Variants in INPP4A observed in about 807,000 individuals in gnomAD.
INPP4A encodes inositol polyphosphate-4-phosphatase type I A.
INPP4A carries 33 observed loss-of-function variants against 119.8 expected under a neutral mutation model. The ratio of observed to expected loss-of-function variants is 0.28; its 90% CI spans 0.21 to 0.37. INPP4A has a LOEUF of 0.37. INPP4A is among the 10% of genes least tolerant of loss of function. INPP4A has a pLI of 1.00. For missense variants in INPP4A, 956 were observed against 1,289.9 expected, an observed-to-expected ratio of 0.74 and a Z score of 3.97; for synonymous variants, 496 against 500.7, an observed-to-expected ratio of 0.99 and a Z score of 0.12.
chr2:98,453,492 CTG>C (rs1289472158), intron 1 of INPP4A, among the ~76,000 whole-genome samples: 1 of 152,100 alleles, frequency 6.6e-6, no homozygotes, highest in Non-Finnish European at 1.5e-5. Context: ...TATGGTGTGA[CTG>C]TTTCTTAGAG....
intron 10 of INPP4A, among the ~76,000 whole-genome samples, chr2:98,543,034 C>A (rs981787983): frequency 9.2e-5 from 14 of 152,116 alleles, no homozygotes; most frequent in Non-Finnish European, 1.8e-4. Context: ...ATTCTCCTGC[C>A]TCAGCCTTCC....
intron 1 of INPP4A, among the ~76,000 whole-genome samples, chr2:98,498,120 G>T (rs1011703988): frequency 6.6e-6 from 1 of 152,130 alleles, no homozygotes; most frequent in Admixed American, 6.5e-5. Flanking sequence ...GAGGACATGA[G>T]ATTTGATAGG....
intron 1 of INPP4A, among the ~76,000 whole-genome samples, chr2:98,511,071 T>C (rs972011960): frequency 5.3e-5 from 8 of 152,234 alleles, no homozygotes; most frequent in Admixed American, 3.9e-4. Context: ...TCAATTTTTT[T>C]TTTTTTGAGA....
intron 1 of INPP4A, among the ~76,000 whole-genome samples, chr2:98,491,207 T>C (rs1298209674): frequency 6.6e-6 from 1 of 152,206 alleles, no homozygotes; most frequent in East Asian, 1.9e-4. Flanking sequence ...GGTAGTAACA[T>C]AGTCAGATGG....
At chr2:98,465,947 C>T (rs1008964478) in intron 1 of INPP4A, among the ~76,000 whole-genome samples, 1 of 152,122 alleles carries the variant, frequency 6.6e-6, no homozygotes, top group African/African-American at 2.4e-5. Context: ...GCCCACCTTG[C>T]TCAGTCTCTG....
chr2:98,574,309 G>A (rs981096535), intron 23 of INPP4A, among the ~76,000 whole-genome samples: 4 of 152,060 alleles, frequency 2.6e-5, no homozygotes, highest in Non-Finnish European at 5.9e-5. Flanking sequence ...AAGAGATTTT[G>A]TGTGAAAAGC....
In INPP4A at chr2:98,553,075, T is replaced by C. The variant is rs548954336; in HGVS notation, c.1347+106T>C. The C allele has an allele frequency of 4.1e-5, 36 of 874,226 alleles. 1 individual carries two copies. Among genetic ancestry groups the C allele is most frequent in the South Asian group, 3.2e-4 (18 of 56,756 alleles). The allele number at this position is 874,226 out of a possible 1,614,324, so 54.2% of individuals were successfully genotyped here. A position where few individuals can be genotyped will look rare whatever the true frequency, so the allele number is the denominator to read the frequency against. On this transcript the variant is annotated intron_variant, in intron 14 of 24. Transcript: ENST00000409851. ...AAGATGGTCCACAAAGAGCGTGACA[T>C]TGGGATGACTTTGAAGGTCTACCTT...
intron 24 of INPP4A, among the ~76,000 whole-genome samples, chr2:98,579,235 G>C (rs532389738): frequency 6.6e-6 from 1 of 152,208 alleles, no homozygotes; most frequent in East Asian, 1.9e-4. Context: ...ATTTTTAGTA[G>C]AAACGGGGTT....
rs372764114 is a variant in INPP4A at position 98,581,271 on chromosome 2, C to G, written c.2786+4128C>G. 1.7e-4 allele frequency among the ~76,000 whole-genome samples: 26 copies of G among 152,312 alleles called. No individual in the cohort carries two copies. The East Asian group carries it at 2.9e-3, about 17-fold the overall frequency. On this transcript the variant is annotated intron_variant, in intron 24 of 24. Transcript: ENST00000409851. Reference sequence around the variant, plus strand: ...GAGAGAGTGAACATGGAAAACCATTCGTTCAACCTACATGTGTTTATTTTC... The same window carrying G: ...GAGAGAGTGAACATGGAAAACCATTGGTTCAACCTACATGTGTTTATTTTC...
At chr2:98,490,524 A>T (rs1035305656) in intron 1 of INPP4A, among the ~76,000 whole-genome samples, 7 of 152,050 alleles carry the variant, frequency 4.6e-5, no homozygotes, top group Non-Finnish European at 8.8e-5. Flanking sequence ...TTATATATGG[A>T]GATGGAACCC....
intron 10 of INPP4A, among the ~76,000 whole-genome samples, chr2:98,542,842 T>C (rs1691731546): frequency 6.6e-6 from 1 of 152,000 alleles, no homozygotes; most frequent in Non-Finnish European, 1.5e-5. Flanking sequence ...CCTGTGCCTC[T>C]GTCAAGCACA....
At chr2:98,563,434 C>T (rs1559082259) in intron 17 of INPP4A, 31 bp from the exon 18 acceptor site, 2 of 1,594,764 alleles carry the variant, frequency 1.3e-6, no homozygotes, top group South Asian at 1.1e-5. Flanking sequence ...ATCTCTCTCT[C>T]ATTGTGATGA....
At chr2:98,499,031 A>G (rs141942934) in intron 1 of INPP4A, among the ~76,000 whole-genome samples, 177 of 152,330 alleles carry the variant, frequency 1.2e-3, no homozygotes, top group African/African-American at 4.0e-3. Context: ...TGGAATCTCA[A>G]TGCTCTTTTT....
Position 98,588,862 on chromosome 2 carries a change from T to C in INPP4A, c.*1254T>C. On this transcript the variant is annotated 3_prime_UTR_variant, in exon 25 of 25. Transcript: ENST00000409851. ...GAAAAGGTTGTAAAAGAAATACATA[T>C]GGCACATATTAATGATGCTGATCCT... 1 of 212,992 alleles carries C rather than the reference T, an allele frequency of 4.7e-6. No individual in the cohort carries two copies. Among genetic ancestry groups the C allele is most frequent in the Non-Finnish European group, 9.5e-6 (1 of 105,568 alleles). The allele number at this position is 212,992 out of a possible 1,614,324, so 13.2% of individuals were successfully genotyped here. A position where few individuals can be genotyped will look rare whatever the true frequency, so the allele number is the denominator to read the frequency against.
chr2:98,450,490 G>A (rs1270867779), intron 1 of INPP4A, among the ~76,000 whole-genome samples: 2 of 152,156 alleles, frequency 1.3e-5, no homozygotes, highest in East Asian at 3.8e-4. Context: ...GTGGACTCTG[G>A]TGCTGCACTT....
intron 24 of INPP4A, chr2:98,581,444 A>T: frequency 3.3e-6 from 3 of 913,340 alleles, no homozygotes; most frequent in African/African-American, 1.8e-5. Flanking sequence ...TTTTTTTTTA[A>T]CCTTATCTTT....
At position 98,588,154 on chromosome 2, in the gene INPP4A, ACTAC is replaced by A. The variant is rs1700122214; in HGVS notation, c.*548_*551del. 1 of 211,936 alleles carries A rather than the reference ACTAC, an allele frequency of 4.7e-6. No individual in the cohort carries two copies. The highest frequency in any genetic ancestry group is 9.6e-6 in the Non-Finnish European group (1 of 104,704). The allele number at this position is 211,936 out of a possible 1,614,324, so 13.1% of individuals were successfully genotyped here. A position where few individuals can be genotyped will look rare whatever the true frequency, so the allele number is the denominator to read the frequency against. ...GGTTCTAGTGAATTATCCTATCTAC[ACTAC>A]CACCTGAAGAAGTTGAAAGAAAGAT... On this transcript the variant is annotated 3_prime_UTR_variant, in exon 25 of 25. Transcript: ENST00000409851.
chr2:98,509,214 CCA>C (rs1486896197), intron 1 of INPP4A, among the ~76,000 whole-genome samples: 1 of 152,190 alleles, frequency 6.6e-6, no homozygotes, highest in Non-Finnish European at 1.5e-5. Flanking sequence ...AAGCAGGAGT[CCA>C]CAGTCCCCGG....
intron 7 of INPP4A, among the ~76,000 whole-genome samples, chr2:98,537,143 C>T (rs758589815): frequency 2.0e-5 from 3 of 152,132 alleles, no homozygotes; most frequent in South Asian, 2.1e-4. Context: ...TTCACAGGCA[C>T]GAGGACAGGG....
Sources: allele counts gnomAD v4.1 joint callset (sites outside exome capture counted in the v4.1 genomes callset), GRCh38; gene constraint gnomAD v4.1.1; transcripts MANE v1.5; gene names NCBI Gene and HGNC (gene_info 2026-07-23, HGNC 2026-07-21).